Variants in SPINK5 observed in about 807,000 individuals in gnomAD.
SPINK5 encodes serine peptidase inhibitor Kazal type 5.
In SPINK5, 125 loss-of-function variants were observed where a neutral mutation model predicts 151.8. That is an observed-to-expected ratio of 0.82 (90% CI 0.71 to 0.96). The LOEUF is 0.96. Among genes scored for constraint, SPINK5 ranks in the 40% least tolerant of loss-of-function variants. The pLI is 0.00. For synonymous variants in SPINK5, 374 were observed against 395.3 expected, an observed-to-expected ratio of 0.95 and a Z score of 0.64; for missense variants, 1,194 against 1,291.9, an observed-to-expected ratio of 0.92 and a Z score of 1.16.
chr5:148,101,966 G>A (rs1753659771), intron 15 of SPINK5, 58 bp downstream of exon 15: 1 of 1,610,312 alleles, frequency 6.2e-7, no homozygotes, highest in Admixed American at 1.7e-5. Context: ...ATTTCCATGG[G>A]AAGTTTTCAA....
chr5:148,088,029 GC>G (rs2113060436), intron 5 of SPINK5, among the ~76,000 whole-genome samples: 1 of 151,386 alleles, frequency 6.6e-6, no homozygotes, highest in African/African-American at 2.4e-5. Context: ...TCTTACATTT[GC>G]GGTTCTGTGT....
chr5:148,122,865 A>T (rs1201110888), intron 26 of SPINK5, among the ~76,000 whole-genome samples: 1 of 52,166 alleles, frequency 1.9e-5, no homozygotes, highest in South Asian at 9.2e-4. Context: ...CTCGCACAAT[A>T]ATTTTTTTTT....
At chr5:148,125,661 G>T (rs749059958) in intron 28 of SPINK5, 62 bp from the exon 29 acceptor site, 1 of 1,614,070 alleles carries the variant, frequency 6.2e-7, no homozygotes, top group Non-Finnish European at 8.5e-7. Context: ...AACCAAGTTT[G>T]AAGAAATCAC....
At chr5:148,086,163 A>G (rs1753148622) in intron 4 of SPINK5, among the ~76,000 whole-genome samples, 1 of 151,882 alleles carries the variant, frequency 6.6e-6, no homozygotes, top group Non-Finnish European at 1.5e-5. Flanking sequence ...GACGTGGCCT[A>G]CTTCACCCAG....
At chr5:148,123,698 A>G in intron 26 of SPINK5, 135 bp from the exon 27 acceptor site, 1 of 1,278,694 alleles carries the variant, frequency 7.8e-7, no homozygotes, top group Admixed American at 2.0e-5. Context: ...TGCCTTTAAA[A>G]CATATTTCTT....
intron 23 of SPINK5, 46 bp from the exon 24 acceptor site, chr5:148,118,940 G>A (rs1366258809): frequency 6.3e-7 from 1 of 1,589,674 alleles, no homozygotes; most frequent in Admixed American, 1.7e-5. Flanking sequence ...ATAATCCAGG[G>A]TCAATATTTG....
intron 5 of SPINK5, among the ~76,000 whole-genome samples, chr5:148,087,834 C>A (rs891846347): frequency 6.6e-6 from 1 of 151,744 alleles, no homozygotes; most frequent in Non-Finnish European, 1.5e-5. Context: ...TGCTAGGAGG[C>A]TCTACAATAA....
At chr5:148,129,628 A>AT (rs1754525721) in intron 30 of SPINK5, among the ~76,000 whole-genome samples, 1 of 152,218 alleles carries the variant, frequency 6.6e-6, no homozygotes, top group Non-Finnish European at 1.5e-5. Flanking sequence ...CCAGGGTTTC[A>AT]TATAAGTTAC....
chr5:148,065,473 C>T (rs990502813), intron 2 of SPINK5, 101 bp downstream of exon 2: 3 of 1,239,328 alleles, frequency 2.4e-6, no homozygotes, highest in Non-Finnish European at 2.3e-6. Flanking sequence ...ACATATTATA[C>T]TGGTAGGTAC....
Position 148,125,792 on chromosome 5 carries a change from G to A in SPINK5, c.2809G>A (p.Val937Met). 1 of 1,614,212 alleles carries A rather than the reference G, an allele frequency of 6.2e-7. No homozygotes were observed. Among genetic ancestry groups the A allele is most frequent in the South Asian group, 1.1e-5 (1 of 91,082 alleles). ...CATCTGCCCTAGAGAGAATGACCCA[G>A]TGCACGGTGCTGATGGAAAGTTCTA... Reference protein sequence around the residue: ...ELICPRENDPVHGADGKFYTN... With the variant: ...ELICPRENDPMHGADGKFYTN... Residue 937 changes from valine (V) to methionine (M), a missense_variant, in exon 29 of 33, where the codon GTG (valine) becomes ATG (methionine). By Grantham distance (21) the Val-to-Met change is conservative. Coordinates refer to ENST00000256084, the MANE Select transcript of SPINK5 (RefSeq NM_006846.4).
chr5:148,076,064 C>T (rs1752872575), intron 4 of SPINK5, among the ~76,000 whole-genome samples: 1 of 151,710 alleles, frequency 6.6e-6, no homozygotes, highest in African/African-American at 2.4e-5. Context: ...GACTATAAAG[C>T]TGCGCATATC....
chr5:148,092,430 T>C lies in SPINK5; in HGVS notation c.666+1202T>C, dbSNP rs1325292298. On this transcript the variant is annotated intron_variant, in intron 8 of 32. Coordinates refer to ENST00000256084, the MANE Select transcript of SPINK5 (RefSeq NM_006846.4). ...TCTAAAACTTTGGGTCATCCTGTGA[T>C]AGTTAACATTTTATTACTTCATAAA... 4.6e-5 allele frequency among the ~76,000 whole-genome samples: 7 copies of C among 151,964 alleles called. No individual in the cohort carries two copies. In the East Asian group the frequency reaches 5.8e-4, roughly 13 times the overall value.
chr5:148,084,241 G>T (rs1196054054), intron 4 of SPINK5, among the ~76,000 whole-genome samples: 1 of 151,858 alleles, frequency 6.6e-6, no homozygotes, highest in African/African-American at 2.4e-5. Context: ...GTTAGGTAGT[G>T]TTCAATGTCA....
At chr5:148,093,728 CT>C (rs1172384164) in intron 8 of SPINK5, among the ~76,000 whole-genome samples, 6 of 151,618 alleles carry the variant, frequency 4.0e-5, no homozygotes, top group Non-Finnish European at 2.9e-5. Flanking sequence ...AAGATATCCC[CT>C]GACCCCTATT....
intron 4 of SPINK5, among the ~76,000 whole-genome samples, chr5:148,073,478 C>A (rs1231307353): frequency 6.6e-6 from 1 of 151,728 alleles, no homozygotes; most frequent in Non-Finnish European, 1.5e-5. Flanking sequence ...TCTGTGGGGG[C>A]CAGAAAGGTT....
At chr5:148,097,095 T>C (rs1489031033) in intron 10 of SPINK5, among the ~76,000 whole-genome samples, 1 of 134,250 alleles carries the variant, frequency 7.4e-6, no homozygotes, top group Admixed American at 8.4e-5. Flanking sequence ...CTCTATTCTT[T>C]TTTCTCTTTT....
rs1754385912 is a variant in SPINK5 at position 148,124,763 on chromosome 5, A to G, written c.2667-2A>G. The G allele has an allele frequency of 1.3e-6, 2 of 1,595,682 alleles. No homozygotes were observed. Among genetic ancestry groups the G allele is most frequent in the Admixed American group, 1.7e-5 (1 of 58,496 alleles). On this transcript the variant is annotated splice_acceptor_variant, in intron 27 of 32. Transcript: ENST00000256084. LOFTEE classifies it high-confidence loss of function. Reference sequence around the variant, plus strand: ...CTATCTTTTTTTTTAATTATTCTGCAGTGATCGAGAAGCTAATGAAAGAAA... The same window carrying G: ...CTATCTTTTTTTTTAATTATTCTGCGGTGATCGAGAAGCTAATGAAAGAAA...
At chr5:148,116,343 C>T (rs770461150) in intron 21 of SPINK5, 27 bp from the exon 22 acceptor site, 4 of 1,609,502 alleles carry the variant, frequency 2.5e-6, no homozygotes, top group African/African-American at 2.7e-5. Context: ...ATCTATTGTT[C>T]CCTACCTCCC....
intron 26 of SPINK5, among the ~76,000 whole-genome samples, chr5:148,123,512 A>ATTATATATATATATAT (rs1561703850): frequency 1.2e-4 from 15 of 120,940 alleles, no homozygotes; most frequent in African/African-American, 4.9e-4. Context: ...GCAGTGGTGC[A>ATTATATATATATATAT]ATATATGTGT....
Sources: gnomAD v4.1 joint callset for allele counts (sites outside exome capture counted in the v4.1 genomes callset) on GRCh38, gnomAD v4.1.1 for gene constraint, MANE v1.5 for transcripts, NCBI Gene and HGNC (gene_info 2026-07-23, HGNC 2026-07-21) for gene names.